ST18: variants seen among roughly 807,000 people sequenced by gnomAD.
ST18 encodes the protein ST18 C2H2C-type zinc finger transcription factor, also known as suppression of tumorigenicity 18 protein.
ST18 carries 50 observed loss-of-function variants against 110.0 expected under a neutral mutation model. The ratio of observed to expected loss-of-function variants is 0.45; its 90% confidence interval spans 0.36 to 0.58. The LOEUF (loss-of-function observed/expected upper bound fraction) is 0.58, where lower values mean the gene tolerates loss of function less well. Among genes scored for constraint, ST18 ranks in the 20% least tolerant of loss-of-function variants. ST18 has a pLI of 0.00. For missense variants in ST18, 1,306 were observed against 1,280.1 expected (o/e 1.02, Z -0.31); for synonymous variants, 461 against 452.4 (o/e 1.02, Z -0.24).
intron 2 of ST18, among the ~76,000 whole-genome samples, chr8:52,373,807 C>A (rs1831140747): frequency 6.6e-6 from 1 of 152,124 alleles, no homozygotes; most frequent in African/African-American, 2.4e-5. Context: ...GCATCCAACC[C>A]TATGCCTGCT....
At chr8:52,194,185 T>A (rs2075461102) in intron 8 of ST18, among the ~76,000 whole-genome samples, 1 of 152,192 alleles carries the variant, frequency 6.6e-6, no homozygotes, top group Non-Finnish European at 1.5e-5. Context: ...AAGATACAAT[T>A]TAATAACAAC....
intron 2 of ST18, among the ~76,000 whole-genome samples, chr8:52,350,819 C>T (rs1350137734): frequency 6.6e-6 from 1 of 151,916 alleles, no homozygotes; most frequent in Non-Finnish European, 1.5e-5. Context: ...CTCCCGGGTT[C>T]AAGCAATTCG....
intron 8 of ST18, chr8:52,199,350 T>A (rs1392213109): frequency 6.6e-6 from 1 of 152,290 alleles, no homozygotes; most frequent in Non-Finnish European, 1.5e-5. Flanking sequence ...TTCAGGATGC[T>A]GTGTTTACCA....
At chr8:52,225,334 G>A (rs2088916149) in intron 3 of ST18, among the ~76,000 whole-genome samples, 1 of 152,038 alleles carries the variant, frequency 6.6e-6, no homozygotes, top group Non-Finnish European at 1.5e-5. Flanking sequence ...CTAACACCTT[G>A]TGGGAAAAAA....
At chr8:52,316,365 T>TC (rs1425909355) in intron 2 of ST18, among the ~76,000 whole-genome samples, 3 of 152,172 alleles carry the variant, frequency 2.0e-5, no homozygotes, top group African/African-American at 7.2e-5. Context: ...TGGTAGGGGC[T>TC]CCCCCAGCAG....
At chr8:52,305,282 A>G (rs1051542697) in intron 2 of ST18, among the ~76,000 whole-genome samples, 2 of 152,308 alleles carry the variant, frequency 1.3e-5, no homozygotes, top group Non-Finnish European at 1.5e-5. Flanking sequence ...TGGGCTTCCT[A>G]GAAAACTTTG....
intron 21 of ST18, 152 bp from the exon 22 acceptor site, chr8:52,132,331 G>A (rs969342171): frequency 3.2e-6 from 2 of 624,746 alleles, no homozygotes; most frequent in South Asian, 4.7e-5. Context: ...AGAGCTACGC[G>A]ATTTTCATGC....
chr8:52,262,284 A>G (rs545550996), intron 2 of ST18, among the ~76,000 whole-genome samples: 96 of 152,268 alleles, frequency 6.3e-4, no homozygotes, highest in Non-Finnish European at 1.2e-3. Flanking sequence ...GTGGCAACCA[A>G]CTTTCCAACA....
chr8:52,386,219 G>A (rs1040552350), intron 2 of ST18, among the ~76,000 whole-genome samples: 1 of 151,986 alleles, frequency 6.6e-6, no homozygotes, highest in African/African-American at 2.4e-5. Flanking sequence ...TTAATGCCAT[G>A]GTAGAATTTA....
intron 9 of ST18, 31 bp downstream of exon 9, chr8:52,180,091 C>G (rs2068743434): frequency 1.2e-6 from 2 of 1,607,688 alleles, no homozygotes; most frequent in Non-Finnish European, 1.7e-6. Flanking sequence ...AGCCAGGGAG[C>G]AGGTAAAGTT....
intron 23 of ST18, among the ~76,000 whole-genome samples, chr8:52,119,319 G>C (rs1263102780): frequency 6.6e-6 from 1 of 152,166 alleles, no homozygotes; most frequent in African/African-American, 2.4e-5. Flanking sequence ...ACCTGGGGAA[G>C]GTAGTTAATA....
intron 2 of ST18, among the ~76,000 whole-genome samples, chr8:52,384,695 C>T (rs368349171): frequency 4.6e-5 from 7 of 152,244 alleles, no homozygotes; most frequent in African/African-American, 1.4e-4. Context: ...ATTGCTTCTT[C>T]GGTAGAGATG....
chr8:52,125,667 T>C (rs1318472816), intron 23 of ST18, among the ~76,000 whole-genome samples: 1 of 152,008 alleles, frequency 6.6e-6, no homozygotes, highest in African/African-American at 2.4e-5. Context: ...AATATTTTTT[T>C]TTTTTAGAGA....
chr8:52,361,906 T>A (rs1825903383), intron 2 of ST18, among the ~76,000 whole-genome samples: 1 of 151,850 alleles, frequency 6.6e-6, no homozygotes, highest in African/African-American at 2.4e-5. Context: ...CACACTTTAT[T>A]TTTTTTTCTT....
intron 9 of ST18, among the ~76,000 whole-genome samples, chr8:52,176,962 C>T (rs1443752131): frequency 6.6e-6 from 1 of 152,164 alleles, no homozygotes; most frequent in Non-Finnish European, 1.5e-5. Context: ...GTTCCGAAAG[C>T]AGAGTGGTTT....
chr8:52,309,544 A>G lies in ST18; in HGVS notation c.-464-79467T>C, dbSNP rs1006911874. ...TCAAAAAAAAAAAAAAAAAAAAAAA[A>G]GAAATCACGTGGCTCATGGAAACTA... On this transcript the variant is annotated intron_variant, in intron 2 of 25. Coordinates refer to ENST00000689386, the MANE Select transcript of ST18 (RefSeq NM_001352837.2). 7.5e-5 allele frequency among the ~76,000 whole-genome samples: 11 copies of G among 147,542 alleles called. No homozygotes were observed. The East Asian group carries it at 2.2e-3, about 29-fold the overall frequency.
chr8:52,220,762 T>C lies in ST18; in HGVS notation c.-178A>G, dbSNP rs1198919236. On this transcript the variant is annotated 5_prime_UTR_variant, in exon 5 of 26. Transcript: ENST00000689386. ...TTACCTCTCTTTTTCTCCAGGTAAC[T>C]TGTATGTCAACTCAGTTTGCCCTGC... The C allele has an allele frequency of 6.6e-6, 1 of 152,190 alleles. No individual in the cohort carries two copies. Among genetic ancestry groups the C allele is most frequent in the Non-Finnish European group, 1.5e-5 (1 of 68,010 alleles). The allele number at this position is 152,190 out of a possible 1,614,324, so 9.4% of individuals were successfully genotyped here. A position where few individuals can be genotyped will look rare whatever the true frequency, so the allele number is the denominator to read the frequency against.
chr8:52,158,786 G>T (rs1041680554), intron 15 of ST18, 112 bp downstream of exon 15: 2 of 1,219,462 alleles, frequency 1.6e-6, no homozygotes, highest in African/African-American at 1.5e-5. Flanking sequence ...GGAGGGGATC[G>T]CTTCAGAGGT....
chr8:52,160,326 G>A (rs114594907), intron 14 of ST18, among the ~76,000 whole-genome samples: 1 of 152,094 alleles, frequency 6.6e-6, no homozygotes, highest in Non-Finnish European at 1.5e-5. Context: ...GGTAAGATTA[G>A]GTAAAATATC....
Sources: allele counts gnomAD v4.1 joint callset (sites outside exome capture counted in the v4.1 genomes callset), GRCh38; gene constraint gnomAD v4.1.1; transcripts MANE v1.5; gene names NCBI Gene and HGNC (gene_info 2026-07-23, HGNC 2026-07-21).